The following PHKB variants were observed in gnomAD, a reference collection of about 807,000 sequenced individuals.
The protein encoded by PHKB is phosphorylase b kinase regulatory subunit beta.
Under a neutral mutation model 152.1 loss-of-function variants are expected in PHKB, and 122 were observed. The ratio of observed to expected loss-of-function variants is 0.80; its 90% CI spans 0.69 to 0.93. PHKB has a LOEUF of 0.93. PHKB is among the 40% of genes least tolerant of loss of function. PHKB has a pLI of 0.00. For synonymous variants in PHKB, 436 were observed against 464.9 expected, an observed-to-expected ratio of 0.94 and a Z score of 0.80; for missense variants, 1,304 against 1,328.4, an observed-to-expected ratio of 0.98 and a Z score of 0.29.
rs183896022 is a variant in PHKB, at chr16:47,533,127, G to A, written c.595-14306G>A. ...TTTCTGGAGTGGGTTGCTCCTCTCT[G>A]CACCTGGTTGTCCTGACATCTGCAG... On this transcript the variant is annotated intron_variant, in intron 6 of 30. Coordinates refer to ENST00000323584, the MANE Select transcript of PHKB (RefSeq NM_000293.3). Among the ~76,000 whole-genome samples the A allele has an allele frequency of 1.8e-3, 276 of 152,230 alleles. 1 individual carries two copies. The highest frequency in any genetic ancestry group is 6.2e-3 in the African/African-American group (257 of 41,534).
At chr16:47,587,876 G>C in intron 9 of PHKB, 113 bp downstream of exon 9, 1 of 843,318 alleles carries the variant, frequency 1.2e-6, no homozygotes, top group Non-Finnish European at 1.9e-6. Context: ...GTCCAGAAGG[G>C]ATAAGAGGAC....
intron 3 of PHKB, 82 bp from the exon 4 acceptor site, chr16:47,502,909 G>A (rs978087685): frequency 7.3e-5 from 63 of 861,056 alleles, no homozygotes; most frequent in Non-Finnish European, 1.1e-4. Flanking sequence ...TAGCCAGATA[G>A]TTAAATACTT....
intron 9 of PHKB, 96 bp from the exon 10 acceptor site, chr16:47,588,809 A>G (rs1971978281): frequency 1.9e-6 from 2 of 1,052,860 alleles, no homozygotes; most frequent in Non-Finnish European, 2.9e-6. Context: ...TTTTGACTGC[A>G]TAACCTCACT....
intron 13 of PHKB, chr16:47,598,064 TA>T (rs1463232834): frequency 1.3e-5 from 2 of 152,136 alleles, no homozygotes; most frequent in Non-Finnish European, 2.9e-5. Flanking sequence ...ATAATTCAAA[TA>T]ATGACTAAAA....
intron 4 of PHKB, among the ~76,000 whole-genome samples, chr16:47,504,996 G>T (rs989835727): frequency 6.6e-6 from 1 of 152,242 alleles, no homozygotes; most frequent in Admixed American, 6.5e-5. Context: ...CAGTCCTGAT[G>T]TGTAAATCGA....
intron 6 of PHKB, among the ~76,000 whole-genome samples, chr16:47,523,032 A>G (rs1597053439): frequency 4.8e-5 from 7 of 145,304 alleles, no homozygotes; most frequent in African/African-American, 1.8e-4. Flanking sequence ...CATCTTTCTC[A>G]GGAGTTCCTT....
chr16:47,647,306 T>C (rs1279054558), intron 16 of PHKB, among the ~76,000 whole-genome samples: 1 of 152,010 alleles, frequency 6.6e-6, no homozygotes, highest in African/African-American at 2.4e-5. Flanking sequence ...GTATTATTAG[T>C]AGAGACCGGG....
intron 8 of PHKB, among the ~76,000 whole-genome samples, chr16:47,581,995 T>A (rs1166192969): frequency 6.6e-6 from 1 of 152,208 alleles, no homozygotes; most frequent in Non-Finnish European, 1.5e-5. Flanking sequence ...TTGTTGCTAT[T>A]ATTTATGAAG....
At chr16:47,506,027 C>CAAAAAAAAAAAAAAAA (rs1198434467) in intron 4 of PHKB, among the ~76,000 whole-genome samples, 4 of 50,186 alleles carry the variant, frequency 8.0e-5, no homozygotes, top group African/African-American at 1.4e-4. Flanking sequence ...GAAACTGTCT[C>CAAAAAAAAAAAAAAAA]AAAAAAAAAA....
intron 4 of PHKB, 43 bp from the exon 5 acceptor site, chr16:47,511,622 T>A: frequency 1.5e-6 from 2 of 1,318,670 alleles, no homozygotes; most frequent in African/African-American, 2.9e-5. Context: ...CTTGGATAAG[T>A]TTATGAATTA....
intron 6 of PHKB, among the ~76,000 whole-genome samples, chr16:47,531,829 G>A (rs1347143102): frequency 6.6e-6 from 1 of 152,146 alleles, no homozygotes; most frequent in Non-Finnish European, 1.5e-5. Flanking sequence ...GGAAATTTTA[G>A]GAGAGCATAT....
At chr16:47,473,253 A>G (rs975053127) in intron 1 of PHKB, among the ~76,000 whole-genome samples, 4 of 49,790 alleles carry the variant, frequency 8.0e-5, no homozygotes, top group Non-Finnish European at 1.5e-4. Flanking sequence ...TTTTTTTTTT[A>G]TTGTAGAGAC....
intron 10 of PHKB, chr16:47,590,207 A>T (rs1400445106): frequency 6.6e-6 from 1 of 152,160 alleles, no homozygotes; most frequent in Non-Finnish European, 1.5e-5. Context: ...GTTGTTTGGC[A>T]ATTAACATAC....
At chr16:47,548,638 A>C (rs888619611) in intron 7 of PHKB, among the ~76,000 whole-genome samples, 1 of 152,074 alleles carries the variant, frequency 6.6e-6, no homozygotes, top group East Asian at 1.9e-4. Context: ...ACTGTAGAAA[A>C]CACTGGTTGA....
chr16:47,539,943 C>A (rs1014406394), intron 6 of PHKB, among the ~76,000 whole-genome samples: 1 of 151,982 alleles, frequency 6.6e-6, no homozygotes, highest in Non-Finnish European at 1.5e-5. Context: ...AGAATAACAG[C>A]GATTTTTAGG....
At chr16:47,506,481 A>G (rs1970422024) in intron 4 of PHKB, among the ~76,000 whole-genome samples, 1 of 152,208 alleles carries the variant, frequency 6.6e-6, no homozygotes, top group African/African-American at 2.4e-5. Flanking sequence ...TTAAACTAGT[A>G]TGTCATATGT....
intron 25 of PHKB, chr16:47,665,767 T>C: frequency 1.4e-6 from 1 of 691,066 alleles, no homozygotes; most frequent in Non-Finnish European, 2.7e-6. Context: ...TTCTGAATGG[T>C]CCTGCAGTCT....
chr16:47,669,318 A>T lies in PHKB; in HGVS notation c.2531A>T (p.Glu844Val). Residue 844 changes from glutamate to valine, a missense_variant, in exon 26 of 31, where the codon GAG becomes GTG. By Grantham distance (121) the Glu-to-Val change is moderately radical. Coordinates refer to ENST00000323584, the MANE Select transcript of PHKB (RefSeq NM_000293.3). ...TATTATAAGTGTAACACCCATGATGAGAGGGAAGCGGTCATTCAGCAAGAA... is the reference window on the plus strand; with the variant it reads ...TATTATAAGTGTAACACCCATGATGTGAGGGAAGCGGTCATTCAGCAAGAA... ...IIYYKCNTHDEREAVIQQELV... is the reference protein window; with the variant it reads ...IIYYKCNTHDVREAVIQQELV... 6.2e-7 allele frequency: 1 copy of T among 1,614,072 alleles called. No homozygotes were observed. Among genetic ancestry groups the T allele is most frequent in the Non-Finnish European group, 8.5e-7 (1 of 1,179,922 alleles).
At chr16:47,502,692 A>AT (rs1366723208) in intron 3 of PHKB, among the ~76,000 whole-genome samples, 2 of 152,240 alleles carry the variant, frequency 1.3e-5, no homozygotes, top group East Asian at 3.8e-4. Context: ...TTTTTTTCCA[A>AT]TAGAAATATT....
Sources: gnomAD v4.1 joint callset for allele counts (sites outside exome capture counted in the v4.1 genomes callset) on GRCh38, gnomAD v4.1.1 for gene constraint, MANE v1.5 for transcripts, NCBI Gene and HGNC (gene_info 2026-07-23, HGNC 2026-07-21) for gene names.